SYNJ2: variants seen among roughly 807,000 people sequenced by gnomAD.
The protein encoded by SYNJ2 is synaptojanin 2, also known as polyphosphatidylinositol phosphatase SYNJ2.
SYNJ2 carries 116 observed loss-of-function variants against 141.3 expected under a neutral mutation model. The observed-to-expected ratio is 0.82, with a 90% CI of 0.71 to 0.96. SYNJ2 has a LOEUF of 0.96. Among genes scored for constraint, SYNJ2 ranks in the 40% least tolerant of loss-of-function variants. The pLI is 0.00. For missense variants in SYNJ2, 1,873 were observed against 1,934.8 expected (o/e 0.97, Z 0.60); for synonymous variants, 745 against 777.7 (o/e 0.96, Z 0.70).
intron 17 of SYNJ2, chr6:158,077,937 C>G (rs1462206953): frequency 8.3e-6 from 3 of 363,384 alleles, no homozygotes; most frequent in African/African-American, 4.2e-5. Context: ...CTGGCGAGGA[C>G]TGCAGGCATG....
intron 5 of SYNJ2, among the ~76,000 whole-genome samples, chr6:158,046,236 G>A (rs779411080): frequency 2.6e-5 from 4 of 151,868 alleles, no homozygotes; most frequent in Admixed American, 1.3e-4. Flanking sequence ...GTGAGCCATC[G>A]CGCCCGGCCT....
chr6:158,090,542 G>GTTTTTTTTTTTTTT lies in SYNJ2; in HGVS notation c.3565+602_3565+615dup, dbSNP rs58356198. Among the ~76,000 whole-genome samples the GTTTTTTTTTTTTTT allele has an allele frequency of 1.6e-3, 186 of 113,842 alleles. 1 individual carries two copies. Among genetic ancestry groups the GTTTTTTTTTTTTTT allele is most frequent in the Non-Finnish European group, 2.4e-3 (134 of 56,006 alleles). 74.7% of individuals were successfully genotyped at this position (113,842 alleles called of 152,430 possible). ...TGCCCTTTTCTTCGTTTTTTTTTTT[G>GTTTTTTTTTTTTTT]TTTTTTTTTTTTTTTTTTTTGAGAC... On this transcript the variant is annotated intron_variant, in intron 25 of 26. Transcript: ENST00000355585.
In SYNJ2 at chr6:158,029,084, C is replaced by T. The variant is rs149865380; in HGVS notation, c.485+58C>T. 5,109 of 1,578,374 alleles carry T rather than the reference C, an allele frequency of 3.2e-3. 15 individuals are homozygous for T. Among genetic ancestry groups the T allele is most frequent in the Non-Finnish European group, 3.9e-3 (4,547 of 1,164,808 alleles). On this transcript the variant is annotated intron_variant, in intron 3 of 26. Coordinates refer to ENST00000355585, the MANE Select transcript of SYNJ2 (RefSeq NM_003898.4). ...CCTGGGTCTCCTGCAGAGGGTGGGCCCTGGTTGGCATCTGAGGCCTTGACC... is the reference window on the plus strand; with the variant it reads ...CCTGGGTCTCCTGCAGAGGGTGGGCTCTGGTTGGCATCTGAGGCCTTGACC...
chr6:158,017,141 TGAATGAACAG>T, intron 1 of SYNJ2, 53 bp from the exon 2 acceptor site: 1 of 1,566,278 alleles, frequency 6.4e-7, no homozygotes, highest in Non-Finnish European at 8.7e-7. Context: ...AAGCCGGGTG[TGAATGAACAG>T]GAATGAGCAG....
intron 21 of SYNJ2, 150 bp downstream of exon 21, chr6:158,083,747 TGTGTGGA>T: frequency 9.0e-7 from 1 of 1,113,568 alleles, no homozygotes; most frequent in Non-Finnish European, 1.3e-6. Flanking sequence ...CATGTTTGTA[TGTGTGGA>T]CGATGCATGC....
intron 4 of SYNJ2, among the ~76,000 whole-genome samples, chr6:158,042,339 G>A (rs1245880636): frequency 6.6e-6 from 1 of 152,250 alleles, no homozygotes; most frequent in African/African-American, 2.4e-5. Flanking sequence ...CAGGGAAACA[G>A]TGGCTCTAAT....
intron 10 of SYNJ2, 35 bp downstream of exon 10, chr6:158,064,785 C>A (rs1781455394): frequency 6.2e-7 from 1 of 1,611,364 alleles, no homozygotes; most frequent in Non-Finnish European, 8.5e-7. Context: ...GTGGGGGCCC[C>A]AGGGACCCCC....
At chr6:158,020,659 C>T (rs186833942) in intron 2 of SYNJ2, among the ~76,000 whole-genome samples, 34 of 151,066 alleles carry the variant, frequency 2.3e-4, no homozygotes, top group African/African-American at 8.3e-4. Flanking sequence ...TGCCTGACTC[C>T]AGCTGCGTGA....
rs199682770 is a variant in SYNJ2, at chr6:158,081,148, C to T, written c.2607C>T (p.Val869=). Residue 869 remains valine (V), a synonymous_variant, in exon 19 of 27, where the codon GTC becomes GTT. Transcript: ENST00000355585. The part of the protein sequence containing the change: ...LAIVEVEVQE[V]DVGARERVFQ... Reference sequence around the variant, plus strand: ...TCGTGGAGGTGGAAGTTCAGGAAGTCGATGTGGGTGCTCGGGAGAGGGTTT... The same window carrying T: ...TCGTGGAGGTGGAAGTTCAGGAAGTTGATGTGGGTGCTCGGGAGAGGGTTT... 7.9e-5 allele frequency: 128 copies of T among 1,613,866 alleles called. No individual in the cohort carries two copies. Among genetic ancestry groups the T allele is most frequent in the Middle Eastern group, 1.7e-4 (1 of 6,058 alleles).
chr6:158,031,098 A>G (rs1779336072), intron 3 of SYNJ2, among the ~76,000 whole-genome samples: 1 of 152,134 alleles, frequency 6.6e-6, no homozygotes, highest in African/African-American at 2.4e-5. Flanking sequence ...TACATTTTGC[A>G]GGGCCCAGCA....
chr6:158,026,322 C>T (rs1321933076), intron 2 of SYNJ2, among the ~76,000 whole-genome samples: 2 of 152,168 alleles, frequency 1.3e-5, no homozygotes, highest in Non-Finnish European at 2.9e-5. Context: ...GATTTGGATC[C>T]CAGCTCCCCG....
At chr6:158,078,138 C>T in intron 17 of SYNJ2, 26 bp from the exon 18 acceptor site, 1 of 1,437,324 alleles carries the variant, frequency 7.0e-7, no homozygotes, top group Non-Finnish European at 9.8e-7. Context: ...CTATATGGGT[C>T]TCTCGAATGG....
In SYNJ2 at chr6:158,088,672, T is replaced by C; in HGVS notation, c.3356T>C (p.Val1119Ala). ...TTGGTTTTTACAGCCGGTTTAATGG[T>C]GAAAAAGTCGGCTTCAGATGCGTCC... ...QRPPPPTGLM[V>A]KKSASDASIS... Residue 1119 changes from valine to alanine, a missense_variant, in exon 24 of 27, where the codon GTG (valine) becomes GCG (alanine). Transcript: ENST00000355585. 1 of 1,613,960 alleles carries C rather than the reference T, an allele frequency of 6.2e-7. No individual in the cohort carries two copies. The highest frequency in any genetic ancestry group is 8.5e-7 in the Non-Finnish European group (1 of 1,179,936).
Position 158,064,809 on chromosome 6 carries a change from G to C in SYNJ2, c.1360-17G>C, listed in dbSNP as rs1554249742. 1.2e-6 allele frequency: 2 copies of C among 1,609,806 alleles called. No homozygotes were observed. Among genetic ancestry groups the C allele is most frequent in the African/African-American group, 1.3e-5 (1 of 75,034 alleles). On this transcript the variant is annotated splice_polypyrimidine_tract_variant and intron_variant, in intron 10 of 26. Coordinates refer to ENST00000355585, the MANE Select transcript of SYNJ2 (RefSeq NM_003898.4). ...CCAGGGACCCCCCTCACGGCCTGCG[G>C]TCTGGGCTCTCGGCAGGTGGGGAAG...
intron 22 of SYNJ2, among the ~76,000 whole-genome samples, chr6:158,086,561 A>G (rs1378739782): frequency 6.6e-6 from 1 of 152,058 alleles, no homozygotes; most frequent in Non-Finnish European, 1.5e-5. Flanking sequence ...TGTCTCCTCC[A>G]CTCTGCCCAA....
At position 158,081,518 on chromosome 6, in the gene SYNJ2, G is replaced by C; in HGVS notation, c.2865+8G>C. 2 of 1,595,332 alleles carry C rather than the reference G, an allele frequency of 1.3e-6. No homozygotes were observed. The highest frequency in any genetic ancestry group is 2.3e-5 in the East Asian group (1 of 43,120). ...GACGTGGACGGTATGAAGGTACGCTGTACTTGGCCACACTGTGGAGTGGGG... is the reference window on the plus strand; with the variant it reads ...GACGTGGACGGTATGAAGGTACGCTCTACTTGGCCACACTGTGGAGTGGGG... On this transcript the variant is annotated splice_region_variant and intron_variant, in intron 20 of 26. Coordinates refer to ENST00000355585, the MANE Select transcript of SYNJ2 (RefSeq NM_003898.4).
intron 23 of SYNJ2, among the ~76,000 whole-genome samples, chr6:158,088,034 A>ATTTTTTTTTTTTTTTTTTTTTTTT (rs568222551): frequency 6.3e-5 from 2 of 31,922 alleles, no homozygotes; most frequent in Non-Finnish European, 1.4e-4. Flanking sequence ...CTGCTTTGGA[A>ATTTTTTTTTTTTTTTTTTTTTTTT]TTTTTTTTTT....
At chr6:158,050,567 C>T (rs1485624889) in intron 5 of SYNJ2, among the ~76,000 whole-genome samples, 1 of 152,204 alleles carries the variant, frequency 6.6e-6, no homozygotes, top group African/African-American at 2.4e-5. Flanking sequence ...GAATGCTTGT[C>T]TAAGTCCAGG....
chr6:158,028,251 T>C (rs1359500811), intron 2 of SYNJ2: 3 of 166,658 alleles, frequency 1.8e-5, no homozygotes, highest in Admixed American at 5.6e-5. Context: ...GCGGCTGTGA[T>C]CCAATGACTT....
Sources: allele counts gnomAD v4.1 joint callset (sites outside exome capture counted in the v4.1 genomes callset), GRCh38; gene constraint gnomAD v4.1.1; transcripts MANE v1.5; gene names NCBI Gene and HGNC (gene_info 2026-07-23, HGNC 2026-07-21).